SCML4: variants seen among roughly 807,000 people sequenced by gnomAD.
The protein encoded by SCML4 is sex comb on midleg-like protein 4.
In SCML4, 34 loss-of-function variants were observed where a neutral mutation model predicts 41.1. The ratio of observed to expected loss-of-function variants is 0.83; its 90% CI spans 0.63 to 1.10. The LOEUF (loss-of-function observed/expected upper bound fraction) is 1.10, where lower values mean the gene tolerates loss of function less well. Ranked by LOEUF, SCML4 falls within the 50% of genes least tolerant of loss-of-function variation. SCML4 has a pLI of 0.00. For synonymous variants in SCML4, 214 were observed against 220.9 expected, an observed-to-expected ratio of 0.97 and a Z score of 0.28; for missense variants, 522 against 534.1, an observed-to-expected ratio of 0.98 and a Z score of 0.22.
At chr6:107,802,745 CCCACGGTCTCCCTCTCCCTCTCTTT>C (rs1363792909) in intron 1 of SCML4, among the ~76,000 whole-genome samples, 1 of 144,074 alleles carries the variant, frequency 6.9e-6, no homozygotes, top group Non-Finnish European at 1.5e-5. Flanking sequence ...TCTCCCTCTC[CCCACGGTCTCCCTCTCCCTCTCTTT>C]CCACGGTCTC....
chr6:107,761,883 G>A (rs9320233), intron 2 of SCML4, among the ~76,000 whole-genome samples: 110,705 of 151,610 alleles, frequency 0.73, 41,902 homozygotes, highest in East Asian at 0.9. Flanking sequence ...TCACTACAGG[G>A]CCTATATTAG....
At chr6:107,799,587 TAA>T in intron 1 of SCML4, among the ~76,000 whole-genome samples, 1 of 152,340 alleles carries the variant, frequency 6.6e-6, no homozygotes, top group Non-Finnish European at 1.5e-5. Context: ...GACTTGAGTT[TAA>T]GTCTACCATC....
At chr6:107,780,971 T>TA (rs892901457) in intron 1 of SCML4, among the ~76,000 whole-genome samples, 1 of 151,494 alleles carries the variant, frequency 6.6e-6, no homozygotes, top group African/African-American at 2.4e-5. Context: ...GTTTTTTTTT[T>TA]ATATTCAAAA....
At chr6:107,841,366 A>T in the SCML4 span, among the ~76,000 whole-genome samples, 1 of 152,204 alleles carries the variant, frequency 6.6e-6, no homozygotes. Context: ...TTTTTATTCT[A>T]AAGTGGTTTC....
chr6:107,714,864 C>G (rs1774597363), intron 6 of SCML4, among the ~76,000 whole-genome samples: 2 of 151,642 alleles, frequency 1.3e-5, no homozygotes, highest in African/African-American at 4.9e-5. Context: ...CCAGCTCACT[C>G]CCCTGTTCAG....
chr6:107,774,815 A>G (rs1184737558), intron 1 of SCML4, among the ~76,000 whole-genome samples: 1 of 152,050 alleles, frequency 6.6e-6, no homozygotes, highest in Non-Finnish European at 1.5e-5. Flanking sequence ...TGAGGTCAGG[A>G]GTTCCAGACC....
chr6:107,705,960 C>T (rs1319272667), intron 7 of SCML4, among the ~76,000 whole-genome samples: 5 of 152,142 alleles, frequency 3.3e-5, no homozygotes, highest in Non-Finnish European at 7.3e-5. Context: ...AAATGGTCAC[C>T]CTCCAGAATG....
At chr6:107,713,595 C>T (rs1158931155) in intron 6 of SCML4, among the ~76,000 whole-genome samples, 1 of 152,214 alleles carries the variant, frequency 6.6e-6, no homozygotes, top group Non-Finnish European at 1.5e-5. Flanking sequence ...TTTGCTGCTT[C>T]TTAAGAATAT....
chr6:107,767,531 G>C (rs551036011), intron 2 of SCML4, among the ~76,000 whole-genome samples: 56 of 152,292 alleles, frequency 3.7e-4, no homozygotes, highest in Middle Eastern at 3.4e-3. Flanking sequence ...AAAAGGAAGA[G>C]AGAACAAAAC....
intron 2 of SCML4, among the ~76,000 whole-genome samples, chr6:107,751,622 CT>C (rs1562218841): frequency 6.1e-5 from 9 of 147,128 alleles, no homozygotes; most frequent in African/African-American, 7.6e-5. Context: ...TTCTTTCTTT[CT>C]TTCTTTCTTT....
Position 107,702,528 on chromosome 6 carries a change from C to T in SCML4, c.*2672G>A, listed in dbSNP as rs748365931. On this transcript the variant is annotated 3_prime_UTR_variant, in exon 8 of 8. Coordinates refer to ENST00000369020, the MANE Select transcript of SCML4 (RefSeq NM_198081.5). ...TTGATGGAAGAGGTACCACAAGTATCGGAAGATTGAGAAAAAAAAGAGGAG... is the reference window on the plus strand; with the variant it reads ...TTGATGGAAGAGGTACCACAAGTATTGGAAGATTGAGAAAAAAAAGAGGAG... 1.3e-5 allele frequency among the ~76,000 whole-genome samples: 2 copies of T among 151,948 alleles called. No individual in the cohort carries two copies. Among genetic ancestry groups the T allele is most frequent in the African/African-American group, 2.4e-5 (1 of 41,340 alleles).
Position 107,720,949 on chromosome 6 carries a change from T to C in SCML4, c.727A>G (p.Met243Val). The change falls in exon 6 of 8, where the codon ATG (methionine) becomes GTG (valine). Residue 243 changes from methionine to valine, a missense_variant. Coordinates refer to ENST00000369020, the MANE Select transcript of SCML4 (RefSeq NM_198081.5). ...TEEYLVNPVG[M>V]NRYSVDTSAS... is the part of the protein sequence containing the mutation. ...GAGGTGTCCACGCTGTAGCGGTTCA[T>C]GCCCACAGGGTTCACCAGGTACTCT... 1 of 1,613,814 alleles carries C rather than the reference T, an allele frequency of 6.2e-7. No homozygotes were observed. The highest frequency in any genetic ancestry group is 8.5e-7 in the Non-Finnish European group (1 of 1,179,832).
rs1583474211 is a variant in SCML4 at position 107,746,843 on chromosome 6, C to A, written c.333G>T (p.Glu111Asp). The change falls in exon 4 of 8, where the codon GAG becomes GAT. Residue 111 changes from glutamate (E) to aspartate (D), a missense_variant. Physicochemically the swap from Glu to Asp is conservative, Grantham distance 45 (BLOSUM62 2). Coordinates refer to ENST00000369020, the MANE Select transcript of SCML4 (RefSeq NM_198081.5). ...NKQANAGPYL[E>D]RKKVQQLPEH... ...CCGGGAGCTGCTGCACCTTCTTCCT[C>A]TCCAGATAGGGCCCCGCATTGGCCT... The A allele has an allele frequency of 1.9e-6, 3 of 1,613,980 alleles. No individual in the cohort carries two copies. The highest frequency in any genetic ancestry group is 1.7e-6 in the Non-Finnish European group (2 of 1,180,008).
chr6:107,779,180 A>AAAAT (rs34080063), intron 1 of SCML4, among the ~76,000 whole-genome samples: 75,941 of 148,548 alleles, frequency 0.51, 20,811 homozygotes, highest in East Asian at 0.73. Context: ...ACTCCATCTC[A>AAAAT]AAATAAATAA....
the SCML4 span, among the ~76,000 whole-genome samples, chr6:107,829,776 A>AT: frequency 6.2e-3 from 817 of 131,874 alleles, 7 homozygotes; most frequent in East Asian, 9.5e-3. Flanking sequence ...AAATAAATAA[A>AT]TAAATATTGG....
At chr6:107,759,933 C>T (rs1779448770) in intron 2 of SCML4, among the ~76,000 whole-genome samples, 1 of 152,152 alleles carries the variant, frequency 6.6e-6, no homozygotes, top group Non-Finnish European at 1.5e-5. Flanking sequence ...AAATGACACG[C>T]TAGTCCTGGT....
chr6:107,722,326 G>GT (rs1562181645), intron 5 of SCML4, among the ~76,000 whole-genome samples: 1 of 151,706 alleles, frequency 6.6e-6, no homozygotes, highest in African/African-American at 2.4e-5. Context: ...CGAATGGTGG[G>GT]TTTTTTGTTT....
chr6:107,794,655 G>A (rs1164853174), intron 1 of SCML4, among the ~76,000 whole-genome samples: 1 of 152,084 alleles, frequency 6.6e-6, no homozygotes, highest in East Asian at 1.9e-4. Context: ...CTGAGTGTGC[G>A]AGGCAGATGG....
chr6:107,780,862 AAGAGGACAAAGAAGCAAC>A (rs1781434149), intron 1 of SCML4, among the ~76,000 whole-genome samples: 2 of 152,310 alleles, frequency 1.3e-5, no homozygotes, highest in African/African-American at 4.8e-5. Flanking sequence ...CATCGGTGCT[AAGAGGACAAAGAAGCAAC>A]TTGTAACAAT....
Sources: gnomAD v4.1 joint callset for allele counts (sites outside exome capture counted in the v4.1 genomes callset) on GRCh38, gnomAD v4.1.1 for gene constraint, MANE v1.5 for transcripts, NCBI Gene and HGNC (gene_info 2026-07-23, HGNC 2026-07-21) for gene names.